ANO6: variants seen among roughly 807,000 people sequenced by gnomAD.
ANO6 encodes anoctamin 6, also known as anoctamin-6.
Under a neutral mutation model 117.5 loss-of-function variants are expected in ANO6, and 106 were observed. The observed-to-expected ratio is 0.90, with a 90% CI of 0.77 to 1.06. The LOEUF is 1.06. Ranked by LOEUF, ANO6 falls within the 50% of genes least tolerant of loss-of-function variation. The probability of loss-of-function intolerance (pLI) is 0.00; values close to 1 mark genes in which losing one functional copy is unlikely to be tolerated. For synonymous variants in ANO6, 367 were observed against 385.1 expected (o/e 0.95, Z 0.55); for missense variants, 955 against 1,121.1 (o/e 0.85, Z 2.12).
Position 45,430,212 on chromosome 12 carries a change from G to A in ANO6, c.*901G>A, listed in dbSNP as rs770121675. 126 of 985,380 alleles carry A rather than the reference G, an allele frequency of 1.3e-4. No individual in the cohort carries two copies. Among genetic ancestry groups the A allele is most frequent in the Middle Eastern group, 5.2e-4 (1 of 1,914 alleles). The allele number at this position is 985,380 out of a possible 1,614,324, so 61.0% of individuals were successfully genotyped here. A position where few individuals can be genotyped will look rare whatever the true frequency, so the allele number is the denominator to read the frequency against. On this transcript the variant is annotated 3_prime_UTR_variant, in exon 20 of 20. Coordinates refer to ENST00000320560, the MANE Select transcript of ANO6 (RefSeq NM_001025356.3). The stretch of plus-strand genomic sequence containing the variant: ...TACATTTTTATCAACATAATTGTCT[G>A]GAAAAGATAAGCCCCTCAATTTTCT...
chr12:45,436,468 T>G (rs756650428), downstream of ANO6, among the ~76,000 whole-genome samples: 11 of 152,228 alleles, frequency 7.2e-5, no homozygotes, highest in Admixed American at 5.9e-4. Context: ...TTTCCACTAC[T>G]TGGCGTCATT....
chr12:45,337,950 G>A (rs1017973105), intron 3 of ANO6, among the ~76,000 whole-genome samples: 3 of 151,722 alleles, frequency 2.0e-5, no homozygotes, highest in East Asian at 3.9e-4. Flanking sequence ...AGTATTTAAG[G>A]TCACCTATGG....
intron 10 of ANO6, 102 bp from the exon 11 acceptor site, chr12:45,388,059 A>G: frequency 1.3e-6 from 2 of 1,489,834 alleles, no homozygotes; most frequent in Admixed American, 1.7e-5. Context: ...TAGCAGTGTG[A>G]AAACAGGCCA....
At chr12:45,325,171 A>G (rs1472793558) in intron 2 of ANO6, among the ~76,000 whole-genome samples, 1 of 152,242 alleles carries the variant, frequency 6.6e-6, no homozygotes, top group Non-Finnish European at 1.5e-5. Flanking sequence ...TCACTAAATC[A>G]TAAAGAATCT....
chr12:45,246,762 T>C (rs1024105433), intron 1 of ANO6, among the ~76,000 whole-genome samples: 74 of 138,464 alleles, frequency 5.3e-4, no homozygotes, highest in Admixed American at 3.0e-3. Context: ...CACCCTACTT[T>C]TTTTTTTTTT....
intron 8 of ANO6, among the ~76,000 whole-genome samples, chr12:45,359,213 CT>C (rs1941491952): frequency 6.6e-6 from 1 of 152,126 alleles, no homozygotes; most frequent in South Asian, 2.1e-4. Flanking sequence ...AATCTATTTG[CT>C]TTCTGTTTCT....
chr12:45,277,933 AT>A (rs1241078653), intron 1 of ANO6, among the ~76,000 whole-genome samples: 1 of 152,164 alleles, frequency 6.6e-6, no homozygotes, highest in Admixed American at 6.5e-5. Context: ...CACCCAATTC[AT>A]TTTTTTAAGT....
At chr12:45,428,371 G>A (rs1326778931) in intron 19 of ANO6, among the ~76,000 whole-genome samples, 1 of 152,144 alleles carries the variant, frequency 6.6e-6, no homozygotes, top group Non-Finnish European at 1.5e-5. Flanking sequence ...CTAGCGCTTT[G>A]GAAGGCCAAG....
chr12:45,371,079 T>G (rs113115402), intron 9 of ANO6, among the ~76,000 whole-genome samples: 2,081 of 152,264 alleles, frequency 0.014, 49 homozygotes, highest in African/African-American at 0.048. Context: ...TTCCCTTTCC[T>G]AGTCAAAGAA....
chr12:45,365,392 C>A (rs1488709368), intron 8 of ANO6, among the ~76,000 whole-genome samples: 1 of 152,184 alleles, frequency 6.6e-6, no homozygotes, highest in Non-Finnish European at 1.5e-5. Context: ...CTTTTAAGTT[C>A]TTTGGTTGAC....
chr12:45,436,760 G>A (rs905134347), downstream of ANO6, among the ~76,000 whole-genome samples: 1 of 152,126 alleles, frequency 6.6e-6, no homozygotes, highest in East Asian at 1.9e-4. Context: ...CTGAGGTCAG[G>A]AGCTAACGAC....
intron 1 of ANO6, among the ~76,000 whole-genome samples, chr12:45,277,400 T>C (rs546665819): frequency 3.9e-5 from 6 of 152,326 alleles, no homozygotes; most frequent in South Asian, 2.1e-4. Flanking sequence ...CATGGAATCC[T>C]GTCAAATTCA....
chr12:45,414,025 G>A (rs1943152949), intron 16 of ANO6, among the ~76,000 whole-genome samples: 1 of 152,000 alleles, frequency 6.6e-6, no homozygotes, highest in African/African-American at 2.4e-5. Flanking sequence ...ACAAAAATCA[G>A]GACTGAAAAG....
chr12:45,249,051 T>C lies in ANO6; in HGVS notation c.70+32660T>C, dbSNP rs557310376. The stretch of plus-strand genomic sequence containing the variant: ...TGGTCCTCAGGTTGTCTTAAAATCA[T>C]CATAATATGTGTTGGTGGCACCACA... On this transcript the variant is annotated intron_variant, in intron 1 of 19. Transcript: ENST00000320560. Among the ~76,000 whole-genome samples, 555 of 152,336 alleles carry C rather than the reference T, an allele frequency of 3.6e-3. 11 individuals are homozygous for C. The highest frequency in any genetic ancestry group is 0.034 in the Admixed American group (524 of 15,294).
chr12:45,301,628 A>G (rs566635714), intron 1 of ANO6, among the ~76,000 whole-genome samples: 3 of 151,992 alleles, frequency 2.0e-5, no homozygotes, highest in Admixed American at 6.5e-5. Context: ...AAAAAAAAAA[A>G]AAAAGAAAAA....
intron 2 of ANO6, among the ~76,000 whole-genome samples, chr12:45,326,520 G>C (rs139195053): frequency 6.6e-6 from 1 of 152,120 alleles, no homozygotes; most frequent in Non-Finnish European, 1.5e-5. Context: ...CAACAGGCTG[G>C]TGCCCTTCTA....
At chr12:45,332,875 ATATGCTACTGG>A (rs1940714007) in intron 3 of ANO6, among the ~76,000 whole-genome samples, 2 of 152,174 alleles carry the variant, frequency 1.3e-5, no homozygotes, top group East Asian at 3.9e-4. Flanking sequence ...AGTTGTGCTC[ATATGCTACTGG>A]TCAGAACTCA....
At chr12:45,310,390 G>T (rs995976453) in intron 2 of ANO6, among the ~76,000 whole-genome samples, 1 of 152,054 alleles carries the variant, frequency 6.6e-6, no homozygotes, top group African/African-American at 2.4e-5. Flanking sequence ...AAAAATGTGA[G>T]TGTAAAATGA....
chr12:45,255,699 C>T lies in ANO6; in HGVS notation c.70+39308C>T, dbSNP rs998106423. Reference sequence around the variant, plus strand: ...ATTGTAATAGAATTAATGCAACAACCGTAGAATACATATTTTAGTGGCAGT... The same window carrying T: ...ATTGTAATAGAATTAATGCAACAACTGTAGAATACATATTTTAGTGGCAGT... On this transcript the variant is annotated intron_variant, in intron 1 of 19. Transcript: ENST00000320560. Among the ~76,000 whole-genome samples the T allele has an allele frequency of 5.3e-5, 8 of 152,050 alleles. No individual in the cohort carries two copies. In the South Asian group the frequency reaches 6.2e-4, roughly 12 times the overall value.
Sources: gnomAD v4.1 joint callset for allele counts (sites outside exome capture counted in the v4.1 genomes callset) on GRCh38, gnomAD v4.1.1 for gene constraint, MANE v1.5 for transcripts, NCBI Gene and HGNC (gene_info 2026-07-23, HGNC 2026-07-21) for gene names.